The following SIDT1 variants were observed in gnomAD, a reference collection of about 807,000 sequenced individuals.
SIDT1 encodes the protein SID1 transmembrane family member 1, also known as SID1 transmembrane family, member 1.
SIDT1 carries 101 observed loss-of-function variants against 107.5 expected under a neutral mutation model. That is an observed-to-expected ratio of 0.94 (90% CI 0.80 to 1.11). The LOEUF (loss-of-function observed/expected upper bound fraction) is 1.11, where lower values mean the gene tolerates loss of function less well. Among genes scored for constraint, SIDT1 ranks in the 50% least tolerant of loss-of-function variants. The probability of loss-of-function intolerance (pLI) is 0.00; values close to 1 mark genes in which losing one functional copy is unlikely to be tolerated. For missense variants in SIDT1, 1,076 were observed against 1,058.2 expected (o/e 1.02, Z -0.23); for synonymous variants, 395 against 398.2 (o/e 0.99, Z 0.10).
chr3:113,602,768 T>G, intron 11 of SIDT1: 1 of 369,296 alleles, frequency 2.7e-6, no homozygotes. Context: ...TGCCCTTAGA[T>G]TCTAATATGT....
At chr3:113,605,070 A>G (rs900514534) in intron 14 of SIDT1, 94 bp downstream of exon 14, 2 of 1,341,290 alleles carry the variant, frequency 1.5e-6, no homozygotes, top group Non-Finnish European at 2.1e-6. Context: ...ACAACTTAGG[A>G]TCCATTCAGG....
intron 6 of SIDT1, 75 bp downstream of exon 6, chr3:113,581,519 C>CA: frequency 8.5e-7 from 1 of 1,180,020 alleles, no homozygotes; most frequent in Admixed American, 1.7e-5. Flanking sequence ...GGCCAGCATC[C>CA]AAAAGGGATG....
intron 1 of SIDT1, among the ~76,000 whole-genome samples, chr3:113,553,195 A>G (rs1940466070): frequency 6.6e-6 from 1 of 152,158 alleles, no homozygotes; most frequent in African/African-American, 2.4e-5. Flanking sequence ...CCTTCCCTGA[A>G]GTCCCTTCTG....
rs368483288 is a variant in SIDT1, at chr3:113,611,064, C to T, written c.1777C>T (p.Arg593Cys). Residue 593 changes from arginine to cysteine, a missense_variant, in exon 18 of 25, where the codon CGC (arginine) becomes TGC (cysteine). Arg to Cys is a radical substitution (Grantham distance 180). Coordinates refer to ENST00000264852, the MANE Select transcript of SIDT1 (RefSeq NM_017699.3). ...GTGCATGCTGAAGCTCTATCAGACCCGCCACCCAGACATCAATGCCAGCGC... is the reference window on the plus strand; with the variant it reads ...GTGCATGCTGAAGCTCTATCAGACCTGCCACCCAGACATCAATGCCAGCGC... ...GLCMLKLYQTRHPDINASAYS... is the reference protein window; with the variant it reads ...GLCMLKLYQTCHPDINASAYS... The T allele has an allele frequency of 1.1e-5, 17 of 1,614,016 alleles. No individual in the cohort carries two copies. Among genetic ancestry groups the T allele is most frequent in the South Asian group, 3.3e-5 (3 of 91,076 alleles).
intron 10 of SIDT1, among the ~76,000 whole-genome samples, chr3:113,595,727 T>C (rs1008385381): frequency 1.3e-5 from 2 of 152,106 alleles, no homozygotes; most frequent in South Asian, 4.1e-4. Flanking sequence ...GGAATAGGAA[T>C]ATTCACCACA....
At chr3:113,631,700 A>T (rs185486020), downstream of SIDT1, among the ~76,000 whole-genome samples, 354 of 152,334 alleles carry the variant, frequency 2.3e-3, 19 homozygotes, top group Admixed American at 0.023. Flanking sequence ...CTAGAACACC[A>T]GAGCAAGAGA....
chr3:113,623,282 A>T (rs1214252395), intron 21 of SIDT1, 145 bp from the exon 22 acceptor site: 31 of 452,490 alleles, frequency 6.9e-5, no homozygotes, highest in South Asian at 1.1e-4. Flanking sequence ...GTAAGAGTTT[A>T]AAAAAAAATA....
chr3:113,564,668 T>G (rs1941738646), intron 1 of SIDT1, among the ~76,000 whole-genome samples: 1 of 152,128 alleles, frequency 6.6e-6, no homozygotes, highest in Non-Finnish European at 1.5e-5. Flanking sequence ...GGCTGCATGG[T>G]GGGGCCATTC....
intron 20 of SIDT1, among the ~76,000 whole-genome samples, chr3:113,618,837 T>G (rs1278396525): frequency 6.6e-6 from 1 of 152,212 alleles, no homozygotes; most frequent in East Asian, 1.9e-4. Flanking sequence ...TTTGTTTATT[T>G]ATTTTGGGAC....
chr3:113,576,795 C>T, intron 3 of SIDT1, 127 bp from the exon 4 acceptor site: 1 of 978,122 alleles, frequency 1.0e-6, no homozygotes, highest in Non-Finnish European at 1.6e-6. Context: ...GAACTCCCCT[C>T]ACCAAGGGTG....
chr3:113,548,647 A>T (rs1939866061), intron 1 of SIDT1, among the ~76,000 whole-genome samples: 1 of 152,134 alleles, frequency 6.6e-6, no homozygotes, highest in African/African-American at 2.4e-5. Context: ...TCTCTATATT[A>T]AAAGGAAAGT....
intron 17 of SIDT1, among the ~76,000 whole-genome samples, chr3:113,609,058 CTTTTTTTTTTTT>C (rs11453487): frequency 1.2e-5 from 1 of 86,680 alleles, no homozygotes; most frequent in Non-Finnish European, 2.1e-5. Flanking sequence ...TGAGCCCATT[CTTTTTTTTTTTT>C]TTTTTTTTTT....
At chr3:113,569,852 C>T (rs1256239315) in intron 3 of SIDT1, among the ~76,000 whole-genome samples, 2 of 152,104 alleles carry the variant, frequency 1.3e-5, no homozygotes, top group African/African-American at 4.8e-5. Context: ...TAACATGCAG[C>T]CAGTGTTGCG....
intron 9 of SIDT1, among the ~76,000 whole-genome samples, chr3:113,588,578 C>A (rs1057402457): frequency 6.6e-6 from 1 of 152,260 alleles, no homozygotes; most frequent in African/African-American, 2.4e-5. Flanking sequence ...ACTGTATTAG[C>A]CTGAAACTAA....
At chr3:113,584,550 TA>T in intron 7 of SIDT1, 147 bp from the exon 8 acceptor site, 1 of 599,066 alleles carries the variant, frequency 1.7e-6, no homozygotes, top group South Asian at 2.0e-5. Flanking sequence ...GTTTGGGGGT[TA>T]CATATTCCTC....
intron 10 of SIDT1, among the ~76,000 whole-genome samples, chr3:113,597,229 G>A (rs1944625792): frequency 6.6e-6 from 1 of 152,154 alleles, no homozygotes; most frequent in Non-Finnish European, 1.5e-5. Context: ...GGGCACGATG[G>A]CTCACACCTG....
downstream of SIDT1, chr3:113,632,621 G>A (rs1342798123): frequency 1.3e-5 from 2 of 152,130 alleles, no homozygotes; most frequent in African/African-American, 4.8e-5. Flanking sequence ...TACACCTTTA[G>A]TAAACAGTCA....
chr3:113,608,062 A>C, intron 15 of SIDT1, 32 bp from the exon 16 acceptor site: 1 of 1,525,304 alleles, frequency 6.6e-7, no homozygotes, highest in South Asian at 1.3e-5. Context: ...GATGGTCTTG[A>C]CTCTCTCATG....
At chr3:113,626,045 T>C in intron 23 of SIDT1, 57 bp from the exon 24 acceptor site, 1 of 1,227,322 alleles carries the variant, frequency 8.1e-7, no homozygotes, top group Non-Finnish European at 1.2e-6. Context: ...GACGTTCAAC[T>C]CTTTGAACAG....
Sources: gnomAD v4.1 joint callset for allele counts (sites outside exome capture counted in the v4.1 genomes callset) on GRCh38, gnomAD v4.1.1 for gene constraint, MANE v1.5 for transcripts, NCBI Gene and HGNC (gene_info 2026-07-23, HGNC 2026-07-21) for gene names.